The following ESRRG variants were observed in gnomAD, a reference collection of about 807,000 sequenced individuals.
ESRRG encodes the protein estrogen related receptor gamma.
Under a neutral mutation model 44.0 loss-of-function variants are expected in ESRRG, and 13 were observed. The observed-to-expected ratio is 0.30, with a 90% CI of 0.19 to 0.47. The LOEUF (loss-of-function observed/expected upper bound fraction) is 0.47, where lower values mean the gene tolerates loss of function less well. Ranked by LOEUF, ESRRG falls within the 20% of genes least tolerant of loss-of-function variation. ESRRG has a pLI of 1.00. For synonymous variants in ESRRG, 215 were observed against 214.6 expected, an observed-to-expected ratio of 1.00 and a Z score of -0.02; for missense variants, 395 against 580.6, an observed-to-expected ratio of 0.68 and a Z score of 3.29.
intron 2 of ESRRG, chr1:216,863,603 G>T (rs1192101952): frequency 1.3e-5 from 2 of 152,054 alleles, no homozygotes; most frequent in Non-Finnish European, 2.9e-5. Flanking sequence ...TCCACTTTCT[G>T]CCATATTTTC....
rs866078620 is a variant in ESRRG at position 217,133,859 on chromosome 1, G to A, written c.-230+3808C>T. Among the ~76,000 whole-genome samples the A allele has an allele frequency of 9.2e-5, 14 of 152,032 alleles. No individual in the cohort carries two copies. The South Asian group carries it at 2.3e-3, about 25-fold the overall frequency. ...GAGCGCATTTACAGTTGGGGAATGGGGCTGAGAGATACTGAGACATCGCAC... is the reference window on the plus strand; with the variant it reads ...GAGCGCATTTACAGTTGGGGAATGGAGCTGAGAGATACTGAGACATCGCAC... On this transcript the variant is annotated intron_variant, in intron 1 of 8. Transcript: ENST00000366940.
chr1:217,064,034 CAATA>C (rs969071832), intron 1 of ESRRG, among the ~76,000 whole-genome samples: 3 of 151,088 alleles, frequency 2.0e-5, no homozygotes, highest in African/African-American at 7.3e-5. Flanking sequence ...TATATATACA[CAATA>C]AATAGATATA....
intron 3 of ESRRG, among the ~76,000 whole-genome samples, chr1:216,569,996 G>A (rs977536709): frequency 6.6e-6 from 1 of 152,144 alleles, no homozygotes; most frequent in Non-Finnish European, 1.5e-5. Context: ...TACATGAAAC[G>A]ATTTGGGAAA....
At chr1:216,575,825 C>A (rs2149727474) in intron 3 of ESRRG, among the ~76,000 whole-genome samples, 1 of 152,194 alleles carries the variant, frequency 6.6e-6, no homozygotes, top group Admixed American at 6.6e-5. Context: ...ATACCTGCAT[C>A]ATGATATGGG....
At chr1:216,809,344 A>C (rs2094899093) in intron 2 of ESRRG, among the ~76,000 whole-genome samples, 2 of 151,140 alleles carry the variant, frequency 1.3e-5, no homozygotes, top group South Asian at 4.1e-4. Flanking sequence ...AAAAAAAAAA[A>C]AAACCCCATG....
intron 1 of ESRRG, among the ~76,000 whole-genome samples, chr1:217,131,342 AAC>A (rs1283261951): frequency 6.6e-6 from 1 of 152,028 alleles, no homozygotes; most frequent in African/African-American, 2.4e-5. Flanking sequence ...GAAAAAAAAA[AAC>A]AGTGAGCAAG....
intron 2 of ESRRG, among the ~76,000 whole-genome samples, chr1:216,873,343 C>A (rs2096286975): frequency 1.3e-5 from 2 of 150,634 alleles, no homozygotes; most frequent in Non-Finnish European, 2.9e-5. Context: ...TCCTGAGTAG[C>A]TGGGATTACA....
intron 1 of ESRRG, among the ~76,000 whole-genome samples, chr1:217,044,171 A>T (rs1475131614): frequency 6.6e-6 from 1 of 152,162 alleles, no homozygotes; most frequent in South Asian, 2.1e-4. Flanking sequence ...TTCTTCCTCC[A>T]TAGGATGTAC....
intron 2 of ESRRG, among the ~76,000 whole-genome samples, chr1:216,924,678 G>A (rs1376362918): frequency 6.6e-6 from 1 of 152,186 alleles, no homozygotes; most frequent in Non-Finnish European, 1.5e-5. Flanking sequence ...GCAATCCAAA[G>A]AGTGTTGCAA....
At chr1:216,606,250 G>GT (rs2059921465) in intron 3 of ESRRG, among the ~76,000 whole-genome samples, 1 of 152,144 alleles carries the variant, frequency 6.6e-6, no homozygotes, top group African/African-American at 2.4e-5. Flanking sequence ...AGCAGCTGGG[G>GT]TGACTGATTG....
At chr1:216,795,658 A>G (rs2094453457) in intron 2 of ESRRG, among the ~76,000 whole-genome samples, 1 of 151,990 alleles carries the variant, frequency 6.6e-6, no homozygotes, top group Admixed American at 6.6e-5. Context: ...TTTAATATAT[A>G]TATTTAAAAC....
At chr1:216,693,625 T>TA (rs758315007) in intron 1 of ESRRG, among the ~76,000 whole-genome samples, 12 of 152,212 alleles carry the variant, frequency 7.9e-5, no homozygotes, top group Non-Finnish European at 1.5e-4. Flanking sequence ...TAATACAACG[T>TA]AAATGCTACG....
intron 2 of ESRRG, among the ~76,000 whole-genome samples, chr1:216,763,955 T>C (rs756072271): frequency 6.6e-6 from 1 of 152,130 alleles, no homozygotes; most frequent in Non-Finnish European, 1.5e-5. Flanking sequence ...AGAAGACTAA[T>C]CTGGGGAAAA....
intron 1 of ESRRG, among the ~76,000 whole-genome samples, chr1:216,970,461 C>T (rs2071414592): frequency 6.6e-6 from 1 of 152,154 alleles, no homozygotes; most frequent in Admixed American, 6.6e-5. Flanking sequence ...CAATGGCTAC[C>T]TAGCTCAGAT....
At chr1:216,968,776 T>C (rs1048171008) in intron 1 of ESRRG, among the ~76,000 whole-genome samples, 1 of 151,844 alleles carries the variant, frequency 6.6e-6, no homozygotes, top group African/African-American at 2.4e-5. Flanking sequence ...GAAATTTTGA[T>C]TGGAATTGCA....
At chr1:217,090,874 C>T (rs1484779745), upstream of ESRRG, among the ~76,000 whole-genome samples, 1 of 152,184 alleles carries the variant, frequency 6.6e-6, no homozygotes, top group Non-Finnish European at 1.5e-5. Flanking sequence ...TATAATTATG[C>T]TCAGAATCAG....
At chr1:216,921,217 G>A (rs1201715073) in intron 2 of ESRRG, among the ~76,000 whole-genome samples, 1 of 152,134 alleles carries the variant, frequency 6.6e-6, no homozygotes, top group Non-Finnish European at 1.5e-5. Flanking sequence ...TCATCAGGAG[G>A]TGGAGAGTAG....
chr1:216,531,052 C>T (rs1268115319), intron 5 of ESRRG, among the ~76,000 whole-genome samples: 2 of 152,012 alleles, frequency 1.3e-5, no homozygotes, highest in Admixed American at 6.6e-5. Flanking sequence ...AACAGGAGGT[C>T]TTCTGCATAA....
chr1:216,730,117 C>T (rs934188446), intron 2 of ESRRG, among the ~76,000 whole-genome samples: 13 of 151,912 alleles, frequency 8.6e-5, no homozygotes, highest in African/African-American at 2.4e-4. Context: ...TCCAGTGCTT[C>T]GTTAGCAACA....
Sources: gnomAD v4.1 joint callset for allele counts (sites outside exome capture counted in the v4.1 genomes callset) on GRCh38, gnomAD v4.1.1 for gene constraint, MANE v1.5 for transcripts, NCBI Gene and HGNC (gene_info 2026-07-23, HGNC 2026-07-21) for gene names.